The following KAZALD1 variants were observed in gnomAD, a reference collection of about 807,000 sequenced individuals.
The protein encoded by KAZALD1 is kazal-type serine protease inhibitor domain-containing protein 1.
In KAZALD1, 31 loss-of-function variants were observed where a neutral mutation model predicts 27.7. The observed-to-expected ratio is 1.12, with a 90% CI of 0.84 to 1.51. The LOEUF (loss-of-function observed/expected upper bound fraction) is 1.51, where lower values mean the gene tolerates loss of function less well. Ranked by LOEUF, KAZALD1 falls within the 40% of genes most tolerant of loss-of-function variation. KAZALD1 has a pLI of 0.00. For synonymous variants in KAZALD1, 179 were observed against 182.0 expected (o/e 0.98, Z 0.13); for missense variants, 444 against 408.9 (o/e 1.09, Z -0.74).
At position 101,064,659 on chromosome 10, in the gene KAZALD1, T is replaced by A. The variant is rs1304422864; in HGVS notation, c.820+11T>A. ...CAGTGCTCACACCTGGTAAGGGGAT[T>A]CCTGAGTTCTGGGGGTTGGGGGGAT... On this transcript the variant is annotated intron_variant, in intron 4 of 4. Transcript: ENST00000370200. 6.2e-7 allele frequency: 1 copy of A among 1,613,298 alleles called. No homozygotes were observed.
At chr10:101,067,936 G>T (rs747762918), downstream of KAZALD1, 1 of 471,666 alleles carries the variant, frequency 2.1e-6, no homozygotes, top group South Asian at 1.5e-5. Flanking sequence ...GCGGGGAAGC[G>T]CCTGGGGAAC....
downstream of KAZALD1, chr10:101,067,986 G>T (rs1328656719): frequency 1.3e-5 from 6 of 465,868 alleles, no homozygotes; most frequent in Non-Finnish European, 2.7e-5. Context: ...GGAAAGAGGC[G>T]ACATCTCTGG....
chr10:101,064,371 G>A lies in KAZALD1; in HGVS notation c.622G>A (p.Asp208Asn), dbSNP rs1477551553. Residue 208 changes from aspartate to asparagine, a missense_variant, in exon 3 of 5, where the codon GAT becomes AAT. Asp to Asn is a conservative substitution (Grantham distance 23). Transcript: ENST00000370200. ...YPMASIEWRK[D>N]GLDIQLPGDD... ...CATGGCCTCCATCGAGTGGAGGAAG[G>A]ATGGCTTGGACATCCAGCTGCCAGG... The A allele has an allele frequency of 6.2e-7, 1 of 1,614,096 alleles. No homozygotes were observed. The highest frequency in any genetic ancestry group is 1.3e-5 in the African/African-American group (1 of 74,922).
chr10:101,065,163 A>G lies in KAZALD1; in HGVS notation c.*243A>G. The G allele has an allele frequency of 2.0e-6, 1 of 504,274 alleles. No individual in the cohort carries two copies. Among genetic ancestry groups the G allele is most frequent in the Non-Finnish European group, 3.6e-6 (1 of 279,050 alleles). 31.2% of individuals were successfully genotyped at this position (504,274 alleles called of 1,614,324 possible). ...TGGGGTACAAAGGGGCCCATGCAGG[A>G]GATGCCCTGGCCAGTAGGACCTCCA... On this transcript the variant is annotated 3_prime_UTR_variant, in exon 5 of 5. Transcript: ENST00000370200.
chr10:101,062,686 C>A lies in KAZALD1; in HGVS notation c.94C>A (p.Pro32Thr), dbSNP rs764833671. 2 of 1,542,084 alleles carry A rather than the reference C, an allele frequency of 1.3e-6. No homozygotes were observed. Among genetic ancestry groups the A allele is most frequent in the Non-Finnish European group, 1.7e-6 (2 of 1,152,048 alleles). The change falls in exon 2 of 5, where the codon CCA becomes ACA. Residue 32 changes from proline to threonine, a missense_variant. Physicochemically the swap from Pro to Thr is conservative, Grantham distance 38 (BLOSUM62 -1). Transcript: ENST00000370200. ...GACGCCGCCCCCGACCGGCGCAAGG[C>A]CATCCCCAGGCCCAGATTACCTGCG... ...VLTPPPTGAR[P>T]SPGPDYLRRG...
chr10:101,067,124 C>T (rs1939343058), downstream of KAZALD1: 3 of 345,528 alleles, frequency 8.7e-6, no homozygotes, highest in Admixed American at 7.6e-5. Context: ...CCGCTGCTCC[C>T]GGGGGAAGGC....
chr10:101,065,185 T>C lies in KAZALD1; in HGVS notation c.*265T>C. 1 of 435,770 alleles carries C rather than the reference T, an allele frequency of 2.3e-6. No individual in the cohort carries two copies. The highest frequency in any genetic ancestry group is 4.2e-5 in the East Asian group (1 of 24,002). 27.0% of individuals were successfully genotyped at this position (435,770 alleles called of 1,614,324 possible). A position where few individuals can be genotyped will look rare whatever the true frequency, so the allele number is the denominator to read the frequency against. Reference sequence around the variant, plus strand: ...AGGAGATGCCCTGGCCAGTAGGACCTCCAACAGGTTGTTTCCCAGGCTGGG... The same window carrying C: ...AGGAGATGCCCTGGCCAGTAGGACCCCCAACAGGTTGTTTCCCAGGCTGGG... On this transcript the variant is annotated 3_prime_UTR_variant, in exon 5 of 5. Coordinates refer to ENST00000370200, the MANE Select transcript of KAZALD1 (RefSeq NM_030929.5).
At position 101,064,574 on chromosome 10, in the gene KAZALD1, G is replaced by A. The variant is rs377362524; in HGVS notation, c.746G>A (p.Gly249Asp). ...QIQAVRPSDE[G>D]TYRCLGRNAL... ...CAGGCTGTGCGTCCCAGTGATGAGG[G>A]CACTTACCGCTGCCTTGGCCGCAAT... Residue 249 changes from glycine to aspartate, a missense_variant, in exon 4 of 5, where the codon GGC becomes GAC. Physicochemically the swap from Gly to Asp is moderately conservative, Grantham distance 94 (BLOSUM62 -1). Transcript: ENST00000370200. The A allele has an allele frequency of 3.7e-6, 6 of 1,613,976 alleles. No individual in the cohort carries two copies. The highest frequency in any genetic ancestry group is 3.3e-5 in the Admixed American group (2 of 60,008).
Position 101,066,441 on chromosome 10 carries a change from C to A in KAZALD1, c.*1521C>A, listed in dbSNP as rs1939322347. The A allele has an allele frequency of 2.2e-6, 1 of 456,636 alleles. No individual in the cohort carries two copies. Among genetic ancestry groups the A allele is most frequent in the African/African-American group, 2.0e-5 (1 of 50,104 alleles). The allele number at this position is 456,636 out of a possible 1,614,324, so 28.3% of individuals were successfully genotyped here. ...CTTAAGCCAGCGACAGTTTTTATTG[C>A]CGAACCCAGGCTGGAAGCGGGCGGC... is the stretch of plus-strand genomic sequence containing the variant. On this transcript the variant is annotated 3_prime_UTR_variant, in exon 5 of 5. Coordinates refer to ENST00000370200, the MANE Select transcript of KAZALD1 (RefSeq NM_030929.5).
rs202088009 is a variant in KAZALD1, at chr10:101,064,581, C to A, written c.753C>A (p.Tyr251Ter). ...TGCGTCCCAGTGATGAGGGCACTTA[C>A]CGCTGCCTTGGCCGCAATGCCCTGG... ...QAVRPSDEGT[Y>*]RCLGRNALGQ... Residue 251 changes from tyrosine to a stop codon, truncating the protein, a stop_gained, in exon 4 of 5, where the codon TAC becomes TAA. Transcript: ENST00000370200. LOFTEE classifies it high-confidence loss of function. 92 of 1,613,982 alleles carry A rather than the reference C, an allele frequency of 5.7e-5. No homozygotes were observed. Among genetic ancestry groups the A allele is most frequent in the Non-Finnish European group, 1.7e-5 (20 of 1,180,032 alleles).
rs1939284700 is a variant in KAZALD1 at position 101,065,004 on chromosome 10, GT to G, written c.*85del. 1 of 974,760 alleles carries G rather than the reference GT, an allele frequency of 1.0e-6. No individual in the cohort carries two copies. Among genetic ancestry groups the G allele is most frequent in the Non-Finnish European group, 1.6e-6 (1 of 617,516 alleles). 60.4% of individuals were successfully genotyped at this position (974,760 alleles called of 1,614,324 possible). On this transcript the variant is annotated 3_prime_UTR_variant, in exon 5 of 5. Transcript: ENST00000370200. ...GAAAAGACCTGGAAAGGGGAGCAGG[GT>G]CCCTTCATCGACTGCTTTCATGCTG... is the stretch of plus-strand genomic sequence containing the variant.
chr10:101,063,936 G>A (rs1939241405), intron 2 of KAZALD1, among the ~76,000 whole-genome samples: 1 of 152,230 alleles, frequency 6.6e-6, no homozygotes, highest in South Asian at 2.1e-4. Context: ...GTGAAATGAG[G>A]ACAGGGGAGC....
Position 101,062,988 on chromosome 10 carries a change from T to G in KAZALD1, c.396T>G (p.Ser132Arg). 1 of 1,601,058 alleles carries G rather than the reference T, an allele frequency of 6.2e-7. No individual in the cohort carries two copies. Among genetic ancestry groups the G allele is most frequent in the Non-Finnish European group, 8.5e-7 (1 of 1,179,254 alleles). ...PEPLCACRSQ[S>R]PLCGSDGHTY... ...CTCTGTGTGCCTGTCGTTCGCAGAG[T>G]CCGCTCTGCGGGTCCGACGGTCACA... Residue 132 changes from serine to arginine, a missense_variant, in exon 2 of 5, where the codon AGT becomes AGG. Coordinates refer to ENST00000370200, the MANE Select transcript of KAZALD1 (RefSeq NM_030929.5).
chr10:101,062,358 G>A (rs1415329865), intron 1 of KAZALD1, among the ~76,000 whole-genome samples, 184 bp from the exon 2 acceptor site: 1 of 152,220 alleles, frequency 6.6e-6, no homozygotes, highest in Non-Finnish European at 1.5e-5. Flanking sequence ...CAGCCCAACT[G>A]ATTGCTAACT....
At chr10:101,062,323 T>G (rs917074045) in intron 1 of KAZALD1, among the ~76,000 whole-genome samples, 1 of 152,142 alleles carries the variant, frequency 6.6e-6, no homozygotes, top group Non-Finnish European at 1.5e-5. Context: ...TCCTCACCTC[T>G]CTTCACTCCC....
rs1388557534 is a variant in KAZALD1, at chr10:101,066,452, C to G, written c.*1532C>G. ...GACAGTTTTTATTGCCGAACCCAGG[C>G]TGGAAGCGGGCGGCCCTAGGAGCCG... On this transcript the variant is annotated 3_prime_UTR_variant, in exon 5 of 5. Transcript: ENST00000370200. The G allele has an allele frequency of 8.8e-6, 4 of 456,734 alleles. No individual in the cohort carries two copies. In the East Asian group the frequency reaches 2.8e-4, roughly 32 times the overall value. The allele number at this position is 456,734 out of a possible 1,614,324, so 28.3% of individuals were successfully genotyped here. A position where few individuals can be genotyped will look rare whatever the true frequency, so the allele number is the denominator to read the frequency against.
At position 101,064,844 on chromosome 10, in the gene KAZALD1, G is replaced by A. The variant is rs1323124091; in HGVS notation, c.839G>A (p.Gly280Asp). The A allele has an allele frequency of 1.2e-6, 2 of 1,614,164 alleles. No individual in the cohort carries two copies. Among genetic ancestry groups the A allele is most frequent in the Non-Finnish European group, 1.7e-6 (2 of 1,180,020 alleles). ...TTTGCAGACCAGCTGAACTCTACAG[G>A]CATCCCCCAGCTGCGATCACTAAAC... ...VLTPDQLNST[G>D]IPQLRSLNLV... The change falls in exon 5 of 5, where the codon GGC becomes GAC. Residue 280 changes from glycine (G) to aspartate (D), a missense_variant. Coordinates refer to ENST00000370200, the MANE Select transcript of KAZALD1 (RefSeq NM_030929.5).
At chr10:101,067,580 C>T, downstream of KAZALD1, 1 of 339,836 alleles carries the variant, frequency 2.9e-6, no homozygotes, top group Non-Finnish European at 5.8e-6. Flanking sequence ...CCAGAGGGGG[C>T]TGTCTGAAAA....
Position 101,062,729 on chromosome 10 carries a change from T to C in KAZALD1, c.137T>C (p.Leu46Pro). 1 of 1,538,726 alleles carries C rather than the reference T, an allele frequency of 6.5e-7. No homozygotes were observed. The highest frequency in any genetic ancestry group is 8.7e-7 in the Non-Finnish European group (1 of 1,151,210). Reference protein sequence around the residue: ...PDYLRRGWMRLLAEGEGCAPC... With the variant: ...PDYLRRGWMRPLAEGEGCAPC... ...TACCTGCGGCGCGGCTGGATGCGGC[T>C]GCTAGCGGAGGGCGAGGGCTGCGCT... Residue 46 changes from leucine to proline, a missense_variant, in exon 2 of 5, where the codon CTG becomes CCG. Leu to Pro is a moderately conservative substitution (Grantham distance 98). Transcript: ENST00000370200.
Sources: allele counts gnomAD v4.1 joint callset (sites outside exome capture counted in the v4.1 genomes callset), GRCh38; gene constraint gnomAD v4.1.1; transcripts MANE v1.5; gene names NCBI Gene and HGNC (gene_info 2026-07-23, HGNC 2026-07-21).